DYNC1I1: variants seen among roughly 807,000 people sequenced by gnomAD.
DYNC1I1 encodes dynein cytoplasmic 1 intermediate chain 1, also known as cytoplasmic dynein 1 intermediate chain 1.
A neutral mutation model predicts 86.6 loss-of-function variants in DYNC1I1; 43 were observed. That is an observed-to-expected ratio of 0.50 (90% CI 0.39 to 0.64). The LOEUF (loss-of-function observed/expected upper bound fraction) is 0.64, where lower values mean the gene tolerates loss of function less well. DYNC1I1 is among the 30% of genes least tolerant of loss of function. The pLI, the probability that DYNC1I1 is intolerant of heterozygous loss-of-function variation, is 0.00. For missense variants in DYNC1I1, 604 were observed against 788.8 expected, an observed-to-expected ratio of 0.77 and a Z score of 2.81; for synonymous variants, 262 against 283.7, an observed-to-expected ratio of 0.92 and a Z score of 0.77.
At chr7:95,834,839 G>A (rs554834171) in intron 5 of DYNC1I1, among the ~76,000 whole-genome samples, 13 of 149,334 alleles carry the variant, frequency 8.7e-5, no homozygotes, top group African/African-American at 3.2e-4. Context: ...ATTTTTTATT[G>A]TGTCTATTTG....
At chr7:95,788,366 G>A (rs1041165877) in intron 1 of DYNC1I1, among the ~76,000 whole-genome samples, 2 of 152,220 alleles carry the variant, frequency 1.3e-5, no homozygotes, top group African/African-American at 4.8e-5. Flanking sequence ...TTGGATGTGG[G>A]TTTGATGGAA....
chr7:96,075,659 C>G (rs1035385574), intron 14 of DYNC1I1, among the ~76,000 whole-genome samples: 2 of 152,220 alleles, frequency 1.3e-5, no homozygotes, highest in African/African-American at 4.8e-5. Context: ...GTCGGGACCG[C>G]CGGGGCTTCA....
chr7:96,079,346 T>G (rs1281856701), intron 15 of DYNC1I1, among the ~76,000 whole-genome samples: 2 of 152,212 alleles, frequency 1.3e-5, no homozygotes, highest in Non-Finnish European at 2.9e-5. Flanking sequence ...TTTTTCTTTA[T>G]GTTTTAATAT....
intron 6 of DYNC1I1, among the ~76,000 whole-genome samples, chr7:95,946,249 C>A (rs760122526): frequency 6.6e-6 from 1 of 151,916 alleles, no homozygotes; most frequent in Non-Finnish European, 1.5e-5. Context: ...ACCACCGTGA[C>A]ACGATTACCT....
At chr7:95,980,891 G>A (rs1352413) in intron 7 of DYNC1I1, among the ~76,000 whole-genome samples, 26,507 of 151,886 alleles carry the variant, frequency 0.17, 3,535 homozygotes, top group East Asian at 0.62. Context: ...AAAGAAAGAT[G>A]TCCTTCACTT....
intron 1 of DYNC1I1, among the ~76,000 whole-genome samples, chr7:95,794,886 G>C (rs142987255): frequency 2.0e-5 from 3 of 152,186 alleles, no homozygotes; most frequent in Non-Finnish European, 4.4e-5. Context: ...ATAAAATTGA[G>C]AGGAACCTAG....
At chr7:95,939,701 G>A (rs1011780017) in intron 6 of DYNC1I1, among the ~76,000 whole-genome samples, 4 of 151,758 alleles carry the variant, frequency 2.6e-5, no homozygotes, top group African/African-American at 9.7e-5. Context: ...CTCTGCACGT[G>A]AGATGGGTTT....
chr7:96,032,911 T>A, intron 12 of DYNC1I1, 131 bp downstream of exon 12: 1 of 685,332 alleles, frequency 1.5e-6, no homozygotes, highest in Non-Finnish European at 2.4e-6. Context: ...CTTGAAAGAG[T>A]GGGGCCTGCT....
chr7:96,033,074 G>A (rs776583110), intron 12 of DYNC1I1, among the ~76,000 whole-genome samples: 43 of 152,190 alleles, frequency 2.8e-4, no homozygotes, highest in Admixed American at 9.2e-4. Context: ...GGTATGAATT[G>A]CACTTACCCT....
At chr7:96,095,239 T>C (rs971831518) in intron 16 of DYNC1I1, among the ~76,000 whole-genome samples, 9 of 152,194 alleles carry the variant, frequency 5.9e-5, no homozygotes, top group Non-Finnish European at 1.3e-4. Context: ...ACTTCTGTTC[T>C]AAACTGTGTG....
chr7:95,882,077 G>A (rs577591206), intron 6 of DYNC1I1, among the ~76,000 whole-genome samples: 1 of 151,928 alleles, frequency 6.6e-6, no homozygotes, highest in Admixed American at 6.5e-5. Flanking sequence ...ATTTCCTTCA[G>A]TATGTTCTCT....
At chr7:95,777,436 C>T (rs984663570) in intron 1 of DYNC1I1, among the ~76,000 whole-genome samples, 2 of 152,200 alleles carry the variant, frequency 1.3e-5, no homozygotes, top group Non-Finnish European at 2.9e-5. Context: ...GATACAGCAG[C>T]TGTGTCATGA....
intron 6 of DYNC1I1, 63 bp downstream of exon 6, chr7:95,870,061 C>T: frequency 7.1e-7 from 1 of 1,400,714 alleles, no homozygotes. Flanking sequence ...GAAGTAACAT[C>T]TTTCTTGTTG....
chr7:95,877,407 C>G (rs563745943), intron 6 of DYNC1I1, among the ~76,000 whole-genome samples: 58 of 152,262 alleles, frequency 3.8e-4, no homozygotes, highest in African/African-American at 1.3e-3. Context: ...CAGTACCCTA[C>G]TCTCCCACAC....
intron 6 of DYNC1I1, among the ~76,000 whole-genome samples, chr7:95,976,575 A>G (rs572940187): frequency 2.6e-5 from 4 of 152,340 alleles, no homozygotes; most frequent in Non-Finnish European, 4.4e-5. Context: ...ATGAGCGAAC[A>G]TATGGGGTGG....
intron 6 of DYNC1I1, among the ~76,000 whole-genome samples, chr7:95,898,405 G>A (rs143243068): frequency 4.4e-4 from 67 of 152,284 alleles, no homozygotes; most frequent in Admixed American, 2.4e-3. Context: ...GACTAAAAAT[G>A]TTTAATTTTT....
intron 6 of DYNC1I1, among the ~76,000 whole-genome samples, chr7:95,917,144 C>A (rs1001432974): frequency 6.6e-6 from 1 of 152,136 alleles, no homozygotes; most frequent in Non-Finnish European, 1.5e-5. Flanking sequence ...ACTTTCCAAC[C>A]GGCCTTGCCA....
At chr7:95,774,073 T>C (rs374959943) in intron 1 of DYNC1I1, among the ~76,000 whole-genome samples, 1 of 152,336 alleles carries the variant, frequency 6.6e-6, no homozygotes, top group East Asian at 1.9e-4. Flanking sequence ...CTGAAACACC[T>C]GCCACTGAGT....
At chr7:95,943,383 G>C (rs1196506882) in intron 6 of DYNC1I1, among the ~76,000 whole-genome samples, 8 of 151,764 alleles carry the variant, frequency 5.3e-5, no homozygotes, top group South Asian at 2.1e-4. Context: ...AGGATAGAAA[G>C]AAATGGAAGA....
Sources: allele counts gnomAD v4.1 joint callset (sites outside exome capture counted in the v4.1 genomes callset), GRCh38; gene constraint gnomAD v4.1.1; transcripts MANE v1.5; gene names NCBI Gene and HGNC (gene_info 2026-07-23, HGNC 2026-07-21).